The following BBS7 variants were observed in gnomAD, a reference collection of about 807,000 sequenced individuals.
BBS7 encodes the protein BBSome complex member BBS7.
BBS7 carries 50 observed loss-of-function variants against 90.3 expected under a neutral mutation model. The ratio of observed to expected loss-of-function variants is 0.55; its 90% CI spans 0.44 to 0.70. The LOEUF is 0.70. Among genes scored for constraint, BBS7 ranks in the 30% least tolerant of loss-of-function variants. The pLI is 0.00. For missense variants in BBS7, 729 were observed against 838.9 expected (o/e 0.87, Z 1.62); for synonymous variants, 235 against 287.4 (o/e 0.82, Z 1.85).
intron 14 of BBS7, 101 bp downstream of exon 14, chr4:121,835,043 A>T (rs1319356170): frequency 8.4e-7 from 1 of 1,191,844 alleles, no homozygotes; most frequent in African/African-American, 1.6e-5. Flanking sequence ...TAATTTTTAA[A>T]AGTAGAAATT....
At position 121,829,230 on chromosome 4, in the gene BBS7, T is replaced by C. The variant is rs548711885; in HGVS notation, c.1677-502A>G. Among the ~76,000 whole-genome samples, 3 of 147,880 alleles carry C rather than the reference T, an allele frequency of 2.0e-5. No homozygotes were observed. The South Asian group carries it at 6.5e-4, about 32-fold the overall frequency. On this transcript the variant is annotated intron_variant, in intron 15 of 18. Transcript: ENST00000264499. ...CCACTGCTTATGGTCAGAGGACCAT[T>C]ATTTTTCTTTTTTTTTTTTTTTTGA...
intron 8 of BBS7, among the ~76,000 whole-genome samples, chr4:121,851,832 CT>C (rs1306732797): frequency 6.6e-6 from 1 of 152,174 alleles, no homozygotes; most frequent in African/African-American, 2.4e-5. Context: ...TAAGCATAAC[CT>C]GAAAGCAGGA....
At chr4:121,837,225 C>A (rs530909637) in intron 13 of BBS7, among the ~76,000 whole-genome samples, 1 of 152,136 alleles carries the variant, frequency 6.6e-6, no homozygotes, top group African/African-American at 2.4e-5. Context: ...CCTTGGCCTC[C>A]CAAAGTGCTA....
rs757107161 is a variant in BBS7, at chr4:121,861,716, A to G, written c.166-37T>C. On this transcript the variant is annotated intron_variant, in intron 3 of 18. Coordinates refer to ENST00000264499, the MANE Select transcript of BBS7 (RefSeq NM_176824.3). ...CATTCAGGAAAAAAGTACACAAATTACTTTATTGTGAGCATTTTTTCCTTT... is the reference window on the plus strand; with the variant it reads ...CATTCAGGAAAAAAGTACACAAATTGCTTTATTGTGAGCATTTTTTCCTTT... 1.8e-5 allele frequency: 29 copies of G among 1,609,420 alleles called. No homozygotes were observed. In the East Asian group the frequency reaches 5.8e-4, roughly 32 times the overall value.
chr4:121,866,327 G>T (rs919581685), intron 2 of BBS7, among the ~76,000 whole-genome samples: 12 of 151,878 alleles, frequency 7.9e-5, no homozygotes, highest in African/African-American at 2.2e-4. Context: ...TAACATTTAG[G>T]TCTTTTTTTG....
At chr4:121,846,484 T>G (rs1174455752) in intron 10 of BBS7, among the ~76,000 whole-genome samples, 1 of 152,190 alleles carries the variant, frequency 6.6e-6, no homozygotes, top group African/African-American at 2.4e-5. Context: ...TAGCAGTGTT[T>G]GGGTATCAAA....
At chr4:121,834,452 G>A (rs1398223362) in intron 14 of BBS7, among the ~76,000 whole-genome samples, 1 of 152,124 alleles carries the variant, frequency 6.6e-6, no homozygotes, top group African/African-American at 2.4e-5. Context: ...TTAAATTATA[G>A]GCAGCAATAT....
chr4:121,846,560 T>C (rs1227937757), intron 10 of BBS7, among the ~76,000 whole-genome samples: 1 of 152,096 alleles, frequency 6.6e-6, no homozygotes, highest in African/African-American at 2.4e-5. Context: ...ATGGTAGACT[T>C]GGTTATAAAA....
At chr4:121,869,117 A>G (rs1311660033) in intron 1 of BBS7, among the ~76,000 whole-genome samples, 1 of 152,180 alleles carries the variant, frequency 6.6e-6, no homozygotes, top group Non-Finnish European at 1.5e-5. Flanking sequence ...TAGAGATGGA[A>G]GATATGGGAC....
At chr4:121,858,748 A>G (rs1726820661) in intron 5 of BBS7, 1 of 433,504 alleles carries the variant, frequency 2.3e-6, no homozygotes, top group South Asian at 2.7e-5. Flanking sequence ...ATAATAGCTC[A>G]GAAATTGTGT....
chr4:121,830,490 A>G (rs1725129982), intron 15 of BBS7, among the ~76,000 whole-genome samples: 1 of 152,244 alleles, frequency 6.6e-6, no homozygotes, highest in African/African-American at 2.4e-5. Flanking sequence ...TTTAGAAATC[A>G]TGACATTTCT....
Position 121,866,250 on chromosome 4 carries a change from C to T in BBS7, c.102+1731G>A, listed in dbSNP as rs376447560. The stretch of plus-strand genomic sequence containing the variant: ...ATATGATCCCACTTGTTTATTTTTG[C>T]TTTTGTTGTTTGTGTTTTTGAGGTC... On this transcript the variant is annotated intron_variant, in intron 2 of 18. Transcript: ENST00000264499. Among the ~76,000 whole-genome samples the T allele has an allele frequency of 1.8e-4, 28 of 152,084 alleles. No homozygotes were observed. The South Asian group carries it at 3.7e-3, about 20-fold the overall frequency.
Position 121,844,738 on chromosome 4 carries a change from T to C in BBS7, c.1231-737A>G, listed in dbSNP as rs1260935757. ...TGATGAATGGAGTCATATATTATTATCCCTAAATTTCACCCTTTAGTATTC... is the reference window on the plus strand; with the variant it reads ...TGATGAATGGAGTCATATATTATTACCCCTAAATTTCACCCTTTAGTATTC... On this transcript the variant is annotated intron_variant, in intron 11 of 18. Coordinates refer to ENST00000264499, the MANE Select transcript of BBS7 (RefSeq NM_176824.3). Among the ~76,000 whole-genome samples, 5 of 152,180 alleles carry C rather than the reference T, an allele frequency of 3.3e-5. No homozygotes were observed. In the East Asian group the frequency reaches 9.6e-4, roughly 29 times the overall value.
At chr4:121,863,345 G>T in intron 2 of BBS7, 66 bp from the exon 3 acceptor site, 1 of 1,332,366 alleles carries the variant, frequency 7.5e-7, no homozygotes, top group Non-Finnish European at 1.1e-6. Flanking sequence ...ATTATATACA[G>T]GGAAAGCAAG....
chr4:121,852,286 G>A (rs538796760), intron 8 of BBS7, among the ~76,000 whole-genome samples: 2 of 152,226 alleles, frequency 1.3e-5, no homozygotes, highest in African/African-American at 4.8e-5. Flanking sequence ...ACACTGAGTT[G>A]TGAACTCTTT....
In BBS7 at chr4:121,840,485, G is replaced by A. The variant is rs188243804; in HGVS notation, c.1306-789C>T. On this transcript the variant is annotated intron_variant, in intron 12 of 18. Coordinates refer to ENST00000264499, the MANE Select transcript of BBS7 (RefSeq NM_176824.3). ...TTCACAAATACTTATACAGGAAAGA[G>A]AAATATCTCTTCTCTGTATTCCCAG... Among the ~76,000 whole-genome samples, 5 of 152,320 alleles carry A rather than the reference G, an allele frequency of 3.3e-5. No individual in the cohort carries two copies. The East Asian group carries it at 9.6e-4, about 29-fold the overall frequency.
At chr4:121,862,219 C>T (rs1560667101) in intron 3 of BBS7, among the ~76,000 whole-genome samples, 1 of 152,180 alleles carries the variant, frequency 6.6e-6, no homozygotes, top group East Asian at 1.9e-4. Flanking sequence ...ATAGAATTTA[C>T]TGAAAATGTG....
At position 121,827,881 on chromosome 4, in the gene BBS7, A is replaced by G. The variant is rs2149047631; in HGVS notation, c.2014+265T>C. On this transcript the variant is annotated intron_variant, in intron 18 of 18. Coordinates refer to ENST00000264499, the MANE Select transcript of BBS7 (RefSeq NM_176824.3). Reference sequence around the variant, plus strand: ...CATTCATTTTATACCAGGTTTGTTCATATATATAGATTAATTCATCACAGT... The same window carrying G: ...CATTCATTTTATACCAGGTTTGTTCGTATATATAGATTAATTCATCACAGT... 9 of 1,144,088 alleles carry G rather than the reference A, an allele frequency of 7.9e-6. No homozygotes were observed. The South Asian group carries it at 1.9e-4, about 25-fold the overall frequency. The allele number at this position is 1,144,088 out of a possible 1,614,324, so 70.9% of individuals were successfully genotyped here. A position where few individuals can be genotyped will look rare whatever the true frequency, so the allele number is the denominator to read the frequency against.
chr4:121,856,863 G>A (rs531001698), intron 5 of BBS7, among the ~76,000 whole-genome samples: 40 of 151,348 alleles, frequency 2.6e-4, no homozygotes, highest in East Asian at 1.8e-3. Context: ...TCCACCTTCC[G>A]GGTTTAAGTG....
Sources: gnomAD v4.1 joint callset for allele counts (sites outside exome capture counted in the v4.1 genomes callset) on GRCh38, gnomAD v4.1.1 for gene constraint, MANE v1.5 for transcripts, NCBI Gene and HGNC (gene_info 2026-07-23, HGNC 2026-07-21) for gene names.